Variants in SERPINA12 observed in about 807,000 individuals in gnomAD.
SERPINA12 encodes the protein serpin A12.
Under a neutral mutation model 25.9 loss-of-function variants are expected in SERPINA12, and 21 were observed. The ratio of observed to expected loss-of-function variants is 0.81; its 90% CI spans 0.58 to 1.17. The LOEUF is 1.17. Among genes scored for constraint, SERPINA12 ranks in the 50% most tolerant of loss-of-function variants. The pLI, the probability that SERPINA12 is intolerant of heterozygous loss-of-function variation, is 0.00. For missense variants in SERPINA12, 562 were observed against 508.3 expected (o/e 1.11, Z -1.02); for synonymous variants, 220 against 196.0 (o/e 1.12, Z -1.02).
upstream of SERPINA12, among the ~76,000 whole-genome samples, chr14:94,513,939 C>T (rs1436374773): frequency 6.6e-6 from 1 of 152,118 alleles, no homozygotes; most frequent in African/African-American, 2.4e-5. Context: ...CCAGTGGCTC[C>T]CTGGGGACCT....
At chr14:94,506,227 G>A (rs1262104861) in intron 1 of SERPINA12, among the ~76,000 whole-genome samples, 2 of 152,210 alleles carry the variant, frequency 1.3e-5, no homozygotes, top group East Asian at 1.9e-4. Context: ...TTATTGCCAT[G>A]TGTAGGGGTG....
At chr14:94,496,169 C>T (rs1900408142) in intron 3 of SERPINA12, among the ~76,000 whole-genome samples, 1 of 152,220 alleles carries the variant, frequency 6.6e-6, no homozygotes. Context: ...CTACTGCGCC[C>T]TCACAGTCTT....
chr14:94,511,661 CT>C (rs1901114122), upstream of SERPINA12: 2 of 985,336 alleles, frequency 2.0e-6, no homozygotes, highest in African/African-American at 1.7e-5. Context: ...CCTCTCTCAC[CT>C]GCCTTTCCCT....
intron 4 of SERPINA12, among the ~76,000 whole-genome samples, chr14:94,488,040 T>G (rs1199057074): frequency 6.6e-6 from 1 of 152,182 alleles, no homozygotes; most frequent in Non-Finnish European, 1.5e-5. Context: ...CATTTCTTGC[T>G]AGCCTACAAA....
chr14:94,490,476 C>T (rs896252208), intron 3 of SERPINA12, among the ~76,000 whole-genome samples: 2 of 151,998 alleles, frequency 1.3e-5, no homozygotes, highest in Non-Finnish European at 2.9e-5. Context: ...ACCCTATTTT[C>T]CCACCTACCC....
Position 94,493,413 on chromosome 14 carries a change from T to C in SERPINA12, c.905+2960A>G, listed in dbSNP as rs1420792233. 2.6e-5 allele frequency among the ~76,000 whole-genome samples: 4 copies of C among 152,200 alleles called. No homozygotes were observed. In the East Asian group the frequency reaches 7.7e-4, roughly 29 times the overall value. On this transcript the variant is annotated intron_variant, in intron 3 of 4. Coordinates refer to ENST00000677451, the MANE Select transcript of SERPINA12 (RefSeq NM_001382267.1). ...AGACATCCCTGGGGTGAGAGGAACCTTCCTTTCTATGGCCCTCCTGGTGGG... is the reference window on the plus strand; with the variant it reads ...AGACATCCCTGGGGTGAGAGGAACCCTCCTTTCTATGGCCCTCCTGGTGGG...
In SERPINA12 at chr14:94,498,160, AG is replaced by A. The variant is rs1413739269; in HGVS notation, c.237del (p.Ser80LeufsTer44). On this transcript the variant is annotated frameshift_variant, in exon 2 of 5. Coordinates refer to ENST00000677451, the MANE Select transcript of SERPINA12 (RefSeq NM_001382267.1). LOFTEE classifies it high-confidence loss of function. ...GRNIFLSPLSISTAFSMLCLG... is the reference protein window; with the variant it reads ...GRNIFLSPLSXSTAFSMLCLG... Reference sequence around the variant, plus strand: ...AGGCACAGCATGGAGAAAGCTGTAGAGATGCTCAAGGGGGATAGGAAGATGT... The same window carrying A: ...AGGCACAGCATGGAGAAAGCTGTAGAATGCTCAAGGGGGATAGGAAGATGT... 3.1e-6 allele frequency: 5 copies of A among 1,614,078 alleles called. No homozygotes were observed. Among genetic ancestry groups the A allele is most frequent in the Admixed American group, 1.7e-5 (1 of 60,002 alleles).
chr14:94,504,665 T>C (rs890521771), intron 1 of SERPINA12, among the ~76,000 whole-genome samples: 1 of 152,214 alleles, frequency 6.6e-6, no homozygotes, highest in Admixed American at 6.5e-5. Context: ...TAGATTCCGT[T>C]AGGAAGAACA....
chr14:94,515,264 G>C (rs1480832839), intron 2 of SERPINA12, among the ~76,000 whole-genome samples: 2 of 152,202 alleles, frequency 1.3e-5, no homozygotes, highest in African/African-American at 4.8e-5. Context: ...GCTGCTTGGT[G>C]AGAATTTAAG....
At chr14:94,490,255 C>T (rs116225316) in intron 3 of SERPINA12, among the ~76,000 whole-genome samples, 51 of 152,280 alleles carry the variant, frequency 3.3e-4, no homozygotes, top group Admixed American at 5.9e-4. Flanking sequence ...TGATCACCGT[C>T]GCTCCTGCGG....
chr14:94,492,302 C>T lies in SERPINA12; in HGVS notation c.906-2535G>A, dbSNP rs551641120. Among the ~76,000 whole-genome samples the T allele has an allele frequency of 5.9e-5, 9 of 152,236 alleles. 1 individual carries two copies. In the South Asian group the frequency reaches 1.9e-3, roughly 32 times the overall value. ...ACAGAGGCAACTGCTTCATGGTATT[C>T]ACCTGCAAAGGGGGAGTGACGAAAT... On this transcript the variant is annotated intron_variant, in intron 3 of 4. Transcript: ENST00000677451.
At chr14:94,496,207 C>T (rs952424963) in intron 3 of SERPINA12, among the ~76,000 whole-genome samples, 166 bp downstream of exon 3, 1 of 152,218 alleles carries the variant, frequency 6.6e-6, no homozygotes, top group Non-Finnish European at 1.5e-5. Flanking sequence ...GAGCCAGGCA[C>T]TTCACTCTAT....
Position 94,496,633 on chromosome 14 carries a change from T to C in SERPINA12, c.645A>G (p.Lys215=), listed in dbSNP as rs148887374. The change falls in exon 3 of 5, where the codon AAA becomes AAG. Residue 215 remains lysine (K), a synonymous_variant. Transcript: ENST00000677451. ...ANYIFFRARW[K]HEFDPNVTKE... ...TAGTTACATTTGGATCAAACTCATG[T>C]TTCCACCTGGCTTAGATTGAAGAAA... 14 of 1,613,852 alleles carry C rather than the reference T, an allele frequency of 8.7e-6. No individual in the cohort carries two copies. The highest frequency in any genetic ancestry group is 2.7e-5 in the African/African-American group (2 of 74,926).
At chr14:94,512,988 C>T (rs895180246), upstream of SERPINA12, among the ~76,000 whole-genome samples, 4 of 152,088 alleles carry the variant, frequency 2.6e-5, no homozygotes, top group African/African-American at 4.8e-5. Context: ...CCACACATTC[C>T]CCAGTGGGTT....
At chr14:94,511,715 T>A (rs17090980), upstream of SERPINA12, 1 of 985,308 alleles carries the variant, frequency 1.0e-6, no homozygotes, top group Non-Finnish European at 1.2e-6. Context: ...AGAACTTGAG[T>A]TGAAAAGCAG....
chr14:94,512,593 C>T (rs1042659203), upstream of SERPINA12, among the ~76,000 whole-genome samples: 4 of 152,134 alleles, frequency 2.6e-5, no homozygotes, highest in Admixed American at 2.6e-4. Flanking sequence ...CATTCTCATC[C>T]TCCAGCATCA....
chr14:94,487,799 C>T (rs1041581844), intron 4 of SERPINA12, among the ~76,000 whole-genome samples: 3 of 152,088 alleles, frequency 2.0e-5, no homozygotes, highest in Non-Finnish European at 2.9e-5. Context: ...CAACCATAGC[C>T]GTGGCAGAAA....
chr14:94,501,661 TCC>T (rs1249261946), intron 1 of SERPINA12, among the ~76,000 whole-genome samples: 2 of 69,508 alleles, frequency 2.9e-5, no homozygotes, highest in Non-Finnish European at 5.0e-5. Flanking sequence ...TGCCACCACC[TCC>T]CCGCCCCCCC....
At chr14:94,505,229 G>C (rs111324108) in intron 1 of SERPINA12, among the ~76,000 whole-genome samples, 8 of 152,332 alleles carry the variant, frequency 5.3e-5, no homozygotes, top group African/African-American at 1.9e-4. Flanking sequence ...GAGCTATTCA[G>C]AGCAGGTGAC....
Sources: allele counts gnomAD v4.1 joint callset (sites outside exome capture counted in the v4.1 genomes callset), GRCh38; gene constraint gnomAD v4.1.1; transcripts MANE v1.5; gene names NCBI Gene and HGNC (gene_info 2026-07-23, HGNC 2026-07-21).